Variants in TMPRSS11A observed in about 807,000 individuals in gnomAD.
TMPRSS11A encodes transmembrane protease serine 11A.
Under a neutral mutation model 58.9 loss-of-function variants are expected in TMPRSS11A, and 53 were observed. That is an observed-to-expected ratio of 0.90 (90% CI 0.72 to 1.13). The LOEUF is 1.13. TMPRSS11A is among the 50% of genes most tolerant of loss of function. The pLI is 0.00. For missense variants in TMPRSS11A, 493 were observed against 499.3 expected (o/e 0.99, Z 0.12); for synonymous variants, 167 against 169.8 (o/e 0.98, Z 0.13).
In TMPRSS11A at chr4:67,914,591, G is replaced by T. The variant is rs1323869758; in HGVS notation, c.1092C>A (p.Cys364Ter). Reference sequence around the variant, plus strand: ...TAAAAAAATCCCTCCAACTTACCCTGCAGGCATCATAAATTCCTTCCATAT... The same window carrying T: ...TAAAAAAATCCCTCCAACTTACCCTTCAGGCATCATAAATTCCTTCCATAT... ...AGYMEGIYDA[C>*]RGDSGGPLVT... Residue 364 changes from cysteine to a stop codon, truncating the protein, a stop_gained, in exon 9 of 10, where the codon TGC becomes TGA. Coordinates refer to ENST00000508048, the MANE Select transcript of TMPRSS11A (RefSeq NM_001114387.2). LOFTEE classifies it high-confidence loss of function. 24 of 1,613,100 alleles carry T rather than the reference G, an allele frequency of 1.5e-5. No individual in the cohort carries two copies. Among genetic ancestry groups the T allele is most frequent in the Middle Eastern group, 3.3e-4 (2 of 6,080 alleles).
intron 9 of TMPRSS11A, among the ~76,000 whole-genome samples, chr4:67,913,571 G>T (rs1474226192): frequency 6.6e-6 from 1 of 152,150 alleles, no homozygotes. Context: ...GTAATGTCAT[G>T]GTTCACCTGA....
At chr4:67,922,691 A>G (rs748705743) in intron 7 of TMPRSS11A, 64 bp downstream of exon 7, 4 of 1,481,854 alleles carry the variant, frequency 2.7e-6, no homozygotes, top group African/African-American at 1.4e-5. Flanking sequence ...ATTGTTACCA[A>G]GAATATGACA....
intron 1 of TMPRSS11A, among the ~76,000 whole-genome samples, chr4:67,958,011 A>T (rs1003341562): frequency 1.3e-5 from 2 of 152,188 alleles, no homozygotes; most frequent in Non-Finnish European, 2.9e-5. Context: ...TTGAGCCTGC[A>T]GGTACACAGA....
At chr4:67,931,393 G>C (rs1720615151) in intron 4 of TMPRSS11A, among the ~76,000 whole-genome samples, 1 of 152,032 alleles carries the variant, frequency 6.6e-6, no homozygotes, top group Admixed American at 6.6e-5. Flanking sequence ...ATGGATTTGT[G>C]TATATGACAT....
At chr4:67,918,504 G>T (rs1720220702) in intron 8 of TMPRSS11A, among the ~76,000 whole-genome samples, 1 of 152,108 alleles carries the variant, frequency 6.6e-6, no homozygotes, top group African/African-American at 2.4e-5. Flanking sequence ...GACACAGCTG[G>T]AACAATAGAA....
In TMPRSS11A at chr4:67,949,357, G is replaced by C. The variant is rs536874935; in HGVS notation, c.12-2786C>G. Among the ~76,000 whole-genome samples, 3 of 152,318 alleles carry C rather than the reference G, an allele frequency of 2.0e-5. No homozygotes were observed. The East Asian group carries it at 5.8e-4, about 29-fold the overall frequency. On this transcript the variant is annotated intron_variant, in intron 1 of 9. Transcript: ENST00000508048. ...CGGAAGAAGCTGTGAGCATCTGAGGGAAAATGGTGGCCAGCAGACTAGGGT... is the reference window on the plus strand; with the variant it reads ...CGGAAGAAGCTGTGAGCATCTGAGGCAAAATGGTGGCCAGCAGACTAGGGT...
chr4:67,948,758 G>A (rs940473617), intron 1 of TMPRSS11A, among the ~76,000 whole-genome samples: 16 of 152,220 alleles, frequency 1.1e-4, no homozygotes, highest in African/African-American at 3.1e-4. Flanking sequence ...CCTCCTAAAT[G>A]GCTTAAAACA....
rs776638777 is a variant in TMPRSS11A at position 67,930,033 on chromosome 4, C to T, written c.328G>A (p.Glu110Lys). ...KNQVVRLTPE[E>K]DGVKVDVIMV... is the part of the protein sequence containing the mutation. ...ATGACATCTACTTTCACACCATCTT[C>T]CTCTGGACTGTGACACACAAAAGAA... The change falls in exon 5 of 10, where the codon GAA becomes AAA. Residue 110 changes from glutamate to lysine, a missense_variant. Transcript: ENST00000508048. The T allele has an allele frequency of 3.1e-6, 5 of 1,609,112 alleles. No individual in the cohort carries two copies. Among genetic ancestry groups the T allele is most frequent in the African/African-American group, 2.7e-5 (2 of 74,794 alleles).
chr4:67,952,719 C>A (rs533577568), intron 1 of TMPRSS11A, among the ~76,000 whole-genome samples: 2 of 152,204 alleles, frequency 1.3e-5, no homozygotes, highest in South Asian at 4.1e-4. Context: ...ATGCTTTTTT[C>A]TATGCTTCCA....
chr4:67,916,916 G>C (rs1720172317), intron 8 of TMPRSS11A, among the ~76,000 whole-genome samples: 3 of 152,168 alleles, frequency 2.0e-5, no homozygotes, highest in Admixed American at 2.0e-4. Context: ...GTAGGTGACA[G>C]TGCAAATCCA....
At chr4:67,927,169 T>C (rs1437788750) in intron 5 of TMPRSS11A, among the ~76,000 whole-genome samples, 6 of 152,112 alleles carry the variant, frequency 3.9e-5, no homozygotes, top group Admixed American at 3.3e-4. Context: ...ACCTGCCAAA[T>C]AGCAAGACTG....
Position 67,914,575 on chromosome 4 carries a change from C to T in TMPRSS11A, c.1095+13G>A. 3 of 1,611,376 alleles carry T rather than the reference C, an allele frequency of 1.9e-6. No individual in the cohort carries two copies. The highest frequency in any genetic ancestry group is 2.5e-6 in the Non-Finnish European group (3 of 1,178,776). ...TTTTGAGTTAGTAATATAAAAAAAT[C>T]CCTCCAACTTACCCTGCAGGCATCA... On this transcript the variant is annotated intron_variant, in intron 9 of 9. Coordinates refer to ENST00000508048, the MANE Select transcript of TMPRSS11A (RefSeq NM_001114387.2).
chr4:67,918,808 T>A (rs1228052279), intron 8 of TMPRSS11A, among the ~76,000 whole-genome samples, 165 bp downstream of exon 8: 1 of 152,218 alleles, frequency 6.6e-6, no homozygotes, highest in Non-Finnish European at 1.5e-5. Flanking sequence ...TTGTTTTTTA[T>A]TCTGCACTGG....
intron 1 of TMPRSS11A, among the ~76,000 whole-genome samples, chr4:67,958,052 C>G (rs1302898468): frequency 6.6e-6 from 1 of 152,138 alleles, no homozygotes; most frequent in Non-Finnish European, 1.5e-5. Flanking sequence ...CAACCTCCAC[C>G]TAGATTTCAG....
At chr4:67,959,461 G>A (rs1721371641) in intron 1 of TMPRSS11A, among the ~76,000 whole-genome samples, 1 of 152,034 alleles carries the variant, frequency 6.6e-6, no homozygotes, top group Non-Finnish European at 1.5e-5. Context: ...ATCTGACAAA[G>A]GTCTAATACC....
chr4:67,936,386 C>T (rs1396850398), intron 3 of TMPRSS11A, among the ~76,000 whole-genome samples: 1 of 149,410 alleles, frequency 6.7e-6, no homozygotes, highest in Non-Finnish European at 1.5e-5. Context: ...TCTCTCAAGC[C>T]TGGATAGAGC....
At chr4:67,957,771 C>T (rs1202635311) in intron 1 of TMPRSS11A, among the ~76,000 whole-genome samples, 3 of 152,080 alleles carry the variant, frequency 2.0e-5, no homozygotes, top group African/African-American at 4.8e-5. Context: ...AAAATGTCTC[C>T]AGGGCATGTC....
intron 9 of TMPRSS11A, among the ~76,000 whole-genome samples, chr4:67,913,978 TG>T (rs1393487455): frequency 6.6e-6 from 1 of 152,218 alleles, no homozygotes; most frequent in Non-Finnish European, 1.5e-5. Flanking sequence ...GGAGGGCCCA[TG>T]GAATCACAAC....
intron 3 of TMPRSS11A, among the ~76,000 whole-genome samples, chr4:67,942,956 C>T (rs914169681): frequency 2.0e-4 from 31 of 151,938 alleles, no homozygotes; most frequent in African/African-American, 6.3e-4. Flanking sequence ...AGCAAGTGTA[C>T]GCAAAATAGC....
Sources: gnomAD v4.1 joint callset for allele counts (sites outside exome capture counted in the v4.1 genomes callset) on GRCh38, gnomAD v4.1.1 for gene constraint, MANE v1.5 for transcripts, NCBI Gene and HGNC (gene_info 2026-07-23, HGNC 2026-07-21) for gene names.